The following TMEM272 variants were observed in gnomAD, a reference collection of about 807,000 sequenced individuals.
The protein encoded by TMEM272 is transmembrane protein 272.
In TMEM272, 8 loss-of-function variants were observed where a neutral mutation model predicts 3.7. The observed-to-expected ratio is 2.17, with a 90% CI of 1.27 to 3.91. The LOEUF (loss-of-function observed/expected upper bound fraction) is 3.91, where lower values mean the gene tolerates loss of function less well. Among genes scored for constraint, TMEM272 ranks in the 30% most tolerant of loss-of-function variants. The probability of loss-of-function intolerance (pLI) is 0.00; values close to 1 mark genes in which losing one functional copy is unlikely to be tolerated. For synonymous variants in TMEM272, 63 were observed against 39.8 expected, an observed-to-expected ratio of 1.58 and a Z score of -2.20; for missense variants, 166 against 91.5, an observed-to-expected ratio of 1.81 and a Z score of -3.32.
At chr13:51,883,588 T>C in the TMEM272 span, among the ~76,000 whole-genome samples, 1 of 152,090 alleles carries the variant, frequency 6.6e-6, no homozygotes, top group Non-Finnish European at 1.5e-5. Context: ...CACCATTCAA[T>C]TGGTTAAAAG....
In TMEM272 at chr13:51,816,196, G is replaced by GGGCTGGAAGAGACT. The variant is rs1475218689; in HGVS notation, c.*541_*554dup. 6.4e-6 allele frequency: 1 copy of GGGCTGGAAGAGACT among 155,158 alleles called. No homozygotes were observed. The highest frequency in any genetic ancestry group is 2.4e-5 in the African/African-American group (1 of 41,478). 9.6% of individuals were successfully genotyped at this position (155,158 alleles called of 1,614,324 possible). ...CATCACGTCAAACCTATCTGATATAGGGCTGGAAGAGACTGCTCCTTCACT... is the reference window on the plus strand; with the variant it reads ...CATCACGTCAAACCTATCTGATATAGGGCTGGAAGAGACTGGCTGGAAGAGACTGCTCCTTCACT... On this transcript the variant is annotated 3_prime_UTR_variant, in exon 5 of 5. Transcript: ENST00000629372.
At chr13:51,860,307 T>A in the TMEM272 span, among the ~76,000 whole-genome samples, 1 of 152,130 alleles carries the variant, frequency 6.6e-6, no homozygotes, top group Admixed American at 6.5e-5. Flanking sequence ...CTATTACAAA[T>A]GTAGTTAAAG....
At chr13:51,909,062 T>C in the TMEM272 span, 13 of 1,479,192 alleles carry the variant, frequency 8.8e-6, no homozygotes, top group Middle Eastern at 3.5e-4. Context: ...GCCGACCCAA[T>C]GGTGAGGGAC....
chr13:51,929,311 A>G, the TMEM272 span, among the ~76,000 whole-genome samples: 1 of 152,206 alleles, frequency 6.6e-6, no homozygotes, highest in African/African-American at 2.4e-5. Context: ...CACTAAATGC[A>G]TATCTGAGGC....
At chr13:51,880,162 G>A in the TMEM272 span, among the ~76,000 whole-genome samples, 1 of 151,958 alleles carries the variant, frequency 6.6e-6, no homozygotes, top group South Asian at 2.1e-4. Context: ...ACATGCATGG[G>A]TAACAAATGA....
chr13:51,843,997 G>C (rs1464590851), intron 1 of TMEM272, among the ~76,000 whole-genome samples: 4 of 152,164 alleles, frequency 2.6e-5, no homozygotes, highest in African/African-American at 9.7e-5. Flanking sequence ...CTGGAGCAGG[G>C]CTGTCGATAA....
chr13:51,889,715 C>T, the TMEM272 span, among the ~76,000 whole-genome samples: 1 of 152,126 alleles, frequency 6.6e-6, no homozygotes, highest in Non-Finnish European at 1.5e-5. Context: ...GATCCCGGCT[C>T]ACCTTAACCT....
the TMEM272 span, among the ~76,000 whole-genome samples, chr13:51,932,175 T>C: frequency 6.6e-6 from 1 of 152,082 alleles, no homozygotes; most frequent in Non-Finnish European, 1.5e-5. Context: ...TCCCTTCAGG[T>C]GTGGCTCACT....
At chr13:51,847,468 C>T (rs1956312796), upstream of TMEM272, among the ~76,000 whole-genome samples, 1 of 152,204 alleles carries the variant, frequency 6.6e-6, no homozygotes, top group Non-Finnish European at 1.5e-5. Context: ...TGAAACTGGT[C>T]TCCGGTGCCA....
chr13:51,860,568 A>T, the TMEM272 span, among the ~76,000 whole-genome samples: 1 of 149,960 alleles, frequency 6.7e-6, no homozygotes, highest in African/African-American at 2.4e-5. Context: ...GAGTCCAGGA[A>T]ATTGAGGCTG....
At chr13:51,902,746 T>C in the TMEM272 span, among the ~76,000 whole-genome samples, 1 of 152,256 alleles carries the variant, frequency 6.6e-6, no homozygotes, top group African/African-American at 2.4e-5. Flanking sequence ...TCTGCTAAGC[T>C]GCTCCCAAAT....
intron 1 of TMEM272, among the ~76,000 whole-genome samples, chr13:51,842,722 C>T (rs1436127033): frequency 1.3e-5 from 2 of 152,212 alleles, no homozygotes; most frequent in Non-Finnish European, 2.9e-5. Context: ...GAACACATCA[C>T]ATTTTGACAT....
At chr13:51,826,175 C>A (rs1956123879) in intron 3 of TMEM272, among the ~76,000 whole-genome samples, 1 of 148,990 alleles carries the variant, frequency 6.7e-6, no homozygotes, top group South Asian at 2.1e-4. Context: ...AGTGCCCATA[C>A]ATCACCTAAC....
At chr13:51,819,885 C>G (rs559927255) in intron 4 of TMEM272, among the ~76,000 whole-genome samples, 2 of 152,300 alleles carry the variant, frequency 1.3e-5, no homozygotes, top group East Asian at 3.9e-4. Flanking sequence ...ACATGACCCT[C>G]AGTAACAAAT....
At chr13:51,925,633 C>G in the TMEM272 span, among the ~76,000 whole-genome samples, 2 of 152,094 alleles carry the variant, frequency 1.3e-5, no homozygotes, top group African/African-American at 4.8e-5. Flanking sequence ...CAGAGCCTTC[C>G]TTGGTAACTC....
chr13:51,875,372 A>G, the TMEM272 span, among the ~76,000 whole-genome samples: 38 of 152,060 alleles, frequency 2.5e-4, no homozygotes, highest in Non-Finnish European at 4.7e-4. Context: ...CCACTTTCAT[A>G]TGCCTTTCCC....
chr13:51,866,315 C>T, the TMEM272 span: 5 of 441,672 alleles, frequency 1.1e-5, no homozygotes, highest in Admixed American at 3.9e-5. Context: ...CCACAGAGAT[C>T]GGTCCCAGGC....
chr13:51,879,312 C>T, the TMEM272 span, among the ~76,000 whole-genome samples: 302 of 152,240 alleles, frequency 2.0e-3, no homozygotes, highest in African/African-American at 6.9e-3. Context: ...TGACATAATC[C>T]AGTACCCATA....
At chr13:51,828,898 C>T (rs1269677053) in intron 2 of TMEM272, among the ~76,000 whole-genome samples, 1 of 152,190 alleles carries the variant, frequency 6.6e-6, no homozygotes, top group African/African-American at 2.4e-5. Context: ...TGAACCAGAA[C>T]TTGCTTCAGA....
Sources: allele counts gnomAD v4.1 joint callset (sites outside exome capture counted in the v4.1 genomes callset), GRCh38; gene constraint gnomAD v4.1.1; transcripts MANE v1.5; gene names NCBI Gene and HGNC (gene_info 2026-07-23, HGNC 2026-07-21).